The following ATP11A variants were observed in gnomAD, a reference collection of about 807,000 sequenced individuals.
ATP11A encodes phospholipid-transporting ATPase IH.
In ATP11A, 81 loss-of-function variants were observed where a neutral mutation model predicts 154.4. The ratio of observed to expected loss-of-function variants is 0.52; its 90% CI spans 0.44 to 0.63. ATP11A has a LOEUF of 0.63. Among genes scored for constraint, ATP11A ranks in the 30% least tolerant of loss-of-function variants. ATP11A has a pLI of 0.00. For missense variants in ATP11A, 1,316 were observed against 1,474.3 expected (o/e 0.89, Z 1.76); for synonymous variants, 623 against 585.9 (o/e 1.06, Z -0.91).
At chr13:112,824,298 GA>G in intron 9 of ATP11A, 45 bp from the exon 10 acceptor site, 1 of 1,475,746 alleles carries the variant, frequency 6.8e-7, no homozygotes, top group Non-Finnish European at 9.5e-7. Context: ...CATAAGGCAA[GA>G]CACACTTGCG....
chr13:112,777,813 C>T (rs1263758846), intron 1 of ATP11A, among the ~76,000 whole-genome samples: 6 of 151,862 alleles, frequency 4.0e-5, no homozygotes, highest in Admixed American at 1.3e-4. Context: ...CTTCCTCCCC[C>T]GTGGGCTCCA....
At chr13:112,844,568 C>T (rs1242159426) in intron 17 of ATP11A, among the ~76,000 whole-genome samples, 1 of 152,224 alleles carries the variant, frequency 6.6e-6, no homozygotes, top group Non-Finnish European at 1.5e-5. Flanking sequence ...CTGGAGCTTC[C>T]TATCAGCAGA....
intron 1 of ATP11A, among the ~76,000 whole-genome samples, chr13:112,702,855 G>A (rs770430785): frequency 6.6e-6 from 1 of 152,212 alleles, no homozygotes; most frequent in Admixed American, 6.5e-5. Flanking sequence ...TTTTCCCAGC[G>A]TCTCACCAGC....
At chr13:112,833,697 G>C (rs1006117917) in intron 14 of ATP11A, among the ~76,000 whole-genome samples, 2 of 152,178 alleles carry the variant, frequency 1.3e-5, no homozygotes, top group African/African-American at 4.8e-5. Context: ...CATGCAACTT[G>C]AGTAGCAGCA....
At chr13:112,825,675 G>A in intron 11 of ATP11A, 95 bp downstream of exon 11, 2 of 1,423,558 alleles carry the variant, frequency 1.4e-6, no homozygotes, top group Non-Finnish European at 1.9e-6. Flanking sequence ...TGAATTTACT[G>A]TAGGCAAAAA....
chr13:112,705,326 G>A (rs1212328942), intron 1 of ATP11A, among the ~76,000 whole-genome samples: 1 of 152,214 alleles, frequency 6.6e-6, no homozygotes, highest in Non-Finnish European at 1.5e-5. Context: ...ACGTAGAGAG[G>A]GAAACCCTGG....
chr13:112,774,823 C>T (rs9604439), intron 1 of ATP11A, among the ~76,000 whole-genome samples: 14,364 of 152,280 alleles, frequency 0.094, 1,023 homozygotes, highest in African/African-American at 0.19. Context: ...CCTGTCACTG[C>T]CCTGTGTATG....
intron 27 of ATP11A, among the ~76,000 whole-genome samples, chr13:112,874,193 G>A (rs1029167290): frequency 1.3e-5 from 2 of 152,186 alleles, no homozygotes; most frequent in Non-Finnish European, 2.9e-5. Flanking sequence ...TCATCGGGGA[G>A]CCTCTGGTTT....
intron 27 of ATP11A, 104 bp downstream of exon 27, chr13:112,873,780 G>A: frequency 8.7e-7 from 1 of 1,148,506 alleles, no homozygotes; most frequent in Non-Finnish European, 1.3e-6. Context: ...GTTGGTTGGG[G>A]CAAGTGTTTG....
chr13:112,870,550 T>C (rs901622754), intron 25 of ATP11A, among the ~76,000 whole-genome samples: 6 of 152,132 alleles, frequency 3.9e-5, no homozygotes, highest in African/African-American at 7.2e-5. Flanking sequence ...GGCTAATGTT[T>C]GTATTCTTAG....
Position 112,834,600 on chromosome 13 carries a change from C to T in ATP11A, c.1571C>T (p.Thr524Ile), listed in dbSNP as rs757349490. ...LVEGVQRLGF[T>I]YLRLKDNYME... Reference sequence around the variant, plus strand: ...CCTTCTCATTGCAGACTTGGCTTTACCTACCTAAGGCTGAAGGACAATTAC... The same window carrying T: ...CCTTCTCATTGCAGACTTGGCTTTATCTACCTAAGGCTGAAGGACAATTAC... The change falls in exon 15 of 30, where the codon ACC becomes ATC. Residue 524 changes from threonine (T) to isoleucine (I), a missense_variant. Coordinates refer to ENST00000375645, the MANE Select transcript of ATP11A (RefSeq NM_015205.3). 3.7e-6 allele frequency: 6 copies of T among 1,613,584 alleles called. No homozygotes were observed. Among genetic ancestry groups the T allele is most frequent in the Non-Finnish European group, 4.2e-6 (5 of 1,179,642 alleles).
intron 1 of ATP11A, among the ~76,000 whole-genome samples, chr13:112,730,500 A>C (rs557186394): frequency 5.8e-4 from 88 of 152,316 alleles, no homozygotes; most frequent in African/African-American, 2.1e-3. Flanking sequence ...CTCCTGACAC[A>C]TCCCTGTTCT....
intron 1 of ATP11A, among the ~76,000 whole-genome samples, chr13:112,730,325 A>G (rs150946846): frequency 2.6e-5 from 4 of 152,186 alleles, no homozygotes; most frequent in African/African-American, 9.7e-5. Context: ...GTGAAGCCTC[A>G]TGGAGGCCGG....
intron 19 of ATP11A, 32 bp from the exon 20 acceptor site, chr13:112,855,878 TG>T: frequency 6.4e-7 from 1 of 1,560,680 alleles, no homozygotes; most frequent in Admixed American, 1.9e-5. Context: ...ATTTAGTGAT[TG>T]AGCAATCTTT....
chr13:112,745,612 C>T (rs1892040590), intron 1 of ATP11A: 1 of 152,120 alleles, frequency 6.6e-6, no homozygotes, highest in Admixed American at 6.5e-5. Context: ...GTAGGTGTTC[C>T]TCCTCACAGC....
intron 2 of ATP11A, among the ~76,000 whole-genome samples, chr13:112,787,427 C>T (rs1180553321): frequency 3.0e-5 from 4 of 132,660 alleles, no homozygotes; most frequent in Admixed American, 2.1e-4. Context: ...CTGTGGAGAC[C>T]TACTTAATTC....
At position 112,754,345 on chromosome 13, in the gene ATP11A, T is replaced by G. The variant is rs937778643; in HGVS notation, c.40-30790T>G. 2 of 152,200 alleles carry G rather than the reference T, an allele frequency of 1.3e-5. No individual in the cohort carries two copies. Among genetic ancestry groups the G allele is most frequent in the Non-Finnish European group, 2.9e-5 (2 of 68,088 alleles). The allele number at this position is 152,200 out of a possible 1,614,324, so 9.4% of individuals were successfully genotyped here. ...CCCCAGTCCCACCTCTGCATATGCC[T>G]CCAGATAACGCTCGCCATGTTTGGG... On this transcript the variant is annotated intron_variant, in intron 1 of 29. Transcript: ENST00000375645. This position sits in a 1 kb window ranked among gnomAD's most constrained non-coding sequence, Gnocchi z 5.3.
intron 25 of ATP11A, among the ~76,000 whole-genome samples, chr13:112,869,832 A>G (rs1296334382): frequency 6.6e-6 from 1 of 152,152 alleles, no homozygotes; most frequent in Non-Finnish European, 1.5e-5. Flanking sequence ...GAGGCATGAT[A>G]TTTTCCTGCC....
At chr13:112,787,655 C>T (rs1487465472) in intron 2 of ATP11A, among the ~76,000 whole-genome samples, 8 of 135,684 alleles carry the variant, frequency 5.9e-5, no homozygotes, top group East Asian at 2.3e-4. Flanking sequence ...ATGTGTAGAC[C>T]CCTGTGGATA....
Sources: gnomAD v4.1 joint callset for allele counts (sites outside exome capture counted in the v4.1 genomes callset) on GRCh38, gnomAD v4.1.1 for gene constraint, Gnocchi (gnomAD v3.1) non-coding constraint, MANE v1.5 for transcripts, NCBI Gene and HGNC (gene_info 2026-07-23, HGNC 2026-07-21) for gene names.